TRIM36: variants seen among roughly 807,000 people sequenced by gnomAD.
TRIM36 encodes the protein tripartite motif containing 36.
A neutral mutation model predicts 72.4 loss-of-function variants in TRIM36; 42 were observed. The ratio of observed to expected loss-of-function variants is 0.58; its 90% confidence interval spans 0.45 to 0.75. The LOEUF (loss-of-function observed/expected upper bound fraction) is 0.75. TRIM36 is among the 30% of genes least tolerant of loss of function. TRIM36 has a pLI of 0.00. For missense variants in TRIM36, 913 were observed against 857.1 expected, an observed-to-expected ratio of 1.07 and a Z score of -0.81; for synonymous variants, 315 against 282.8, an observed-to-expected ratio of 1.11 and a Z score of -1.14.
upstream of TRIM36, among the ~76,000 whole-genome samples, chr5:115,170,367 G>A (rs1348184467): frequency 6.6e-6 from 1 of 152,208 alleles, no homozygotes; most frequent in African/African-American, 2.4e-5. Context: ...CTTCACTCGC[G>A]GTTCGAAGCC....
intron 4 of TRIM36, among the ~76,000 whole-genome samples, chr5:115,141,861 ATAAT>A (rs1753294604): frequency 6.6e-6 from 1 of 152,190 alleles, no homozygotes; most frequent in Non-Finnish European, 1.5e-5. Flanking sequence ...AGCCTATTAA[ATAAT>A]TACACAATAA....
At chr5:115,150,823 A>G (rs1335363553) in intron 2 of TRIM36, among the ~76,000 whole-genome samples, 1 of 152,174 alleles carries the variant, frequency 6.6e-6, no homozygotes, top group Non-Finnish European at 1.5e-5. Flanking sequence ...CCTGGAGCTG[A>G]GTCAATTTAG....
intron 1 of TRIM36, among the ~76,000 whole-genome samples, chr5:115,165,779 T>C (rs951997229): frequency 1.3e-5 from 2 of 152,076 alleles, no homozygotes; most frequent in African/African-American, 4.8e-5. Flanking sequence ...AGGGCATTCC[T>C]ATGCTCTCGG....
chr5:115,174,963 T>C (rs1755268932), intron 1 of TRIM36, among the ~76,000 whole-genome samples: 1 of 152,142 alleles, frequency 6.6e-6, no homozygotes, highest in Admixed American at 6.5e-5. Flanking sequence ...CTGGCCAACT[T>C]GAGGTAAACA....
intron 2 of TRIM36, among the ~76,000 whole-genome samples, chr5:115,163,024 C>G (rs1561444238): frequency 1.3e-5 from 2 of 150,428 alleles, no homozygotes; most frequent in Non-Finnish European, 2.9e-5. Flanking sequence ...ATGGCGCGAT[C>G]TCGGCTCACT....
chr5:115,144,172 T>A (rs1753448070), intron 4 of TRIM36, among the ~76,000 whole-genome samples: 1 of 152,074 alleles, frequency 6.6e-6, no homozygotes, highest in South Asian at 2.1e-4. Context: ...CGGAAGTAAT[T>A]CAGTTTTAAA....
rs1755392998 is a variant in TRIM36 at position 115,177,604 on chromosome 5, A to G, written c.63+2371T>C. 14 of 1,477,190 alleles carry G rather than the reference A, an allele frequency of 9.5e-6. No homozygotes were observed. In the East Asian group the frequency reaches 3.3e-4, roughly 35 times the overall value. The allele number at this position is 1,477,190 out of a possible 1,614,324, so 91.5% of individuals were successfully genotyped here. Reference sequence around the variant, plus strand: ...AATCACACACAAAACAGGGGTCTTAAATGGGCTAGTGCTGGGGCTGCGGGG... The same window carrying G: ...AATCACACACAAAACAGGGGTCTTAGATGGGCTAGTGCTGGGGCTGCGGGG... On this transcript the variant is annotated intron_variant, in intron 1 of 9. Transcript: ENST00000282369.
chr5:115,173,496 G>A (rs1345221252), upstream of TRIM36, among the ~76,000 whole-genome samples: 1 of 150,916 alleles, frequency 6.6e-6, no homozygotes, highest in Non-Finnish European at 1.5e-5. Context: ...TAAGGGGGTG[G>A]GGGGTGTGTG....
chr5:115,150,711 C>A (rs183736289), intron 2 of TRIM36, among the ~76,000 whole-genome samples: 1 of 152,164 alleles, frequency 6.6e-6, no homozygotes, highest in African/African-American at 2.4e-5. Flanking sequence ...CTAAATACTG[C>A]GAGGGCCCAA....
upstream of TRIM36, among the ~76,000 whole-genome samples, chr5:115,172,124 T>C (rs898235026): frequency 2.0e-5 from 3 of 152,222 alleles, no homozygotes; most frequent in African/African-American, 4.8e-5. Context: ...AATGGTATCA[T>C]TGCCTATTTC....
chr5:115,138,104 G>T (rs1057175586), intron 5 of TRIM36, among the ~76,000 whole-genome samples: 22 of 152,128 alleles, frequency 1.4e-4, no homozygotes, highest in African/African-American at 5.3e-4. Flanking sequence ...TTAAAAAGTT[G>T]TTTTTGTTTT....
Position 115,141,348 on chromosome 5 carries a change from G to T in TRIM36, c.762C>A (p.Tyr254Ter). Residue 254 changes from tyrosine (Y) to a stop codon, truncating the protein, a stop_gained, in exon 5 of 10, where the codon TAC (tyrosine) becomes TAA (stop). Transcript: ENST00000513154. LOFTEE classifies it high-confidence loss of function. ...LKEKLSKDID[Y>*]LIGKESQVKS... ...TCACCTGGCTTTCCTTACCAATAAG[G>T]TAATCAATATCCTTTGAAAGCTTTT... The T allele has an allele frequency of 6.2e-7, 1 of 1,600,756 alleles. No homozygotes were observed. The highest frequency in any genetic ancestry group is 8.5e-7 in the Non-Finnish European group (1 of 1,176,162).
intron 5 of TRIM36, among the ~76,000 whole-genome samples, chr5:115,138,235 G>A (rs1370846728): frequency 1.3e-5 from 2 of 152,132 alleles, no homozygotes; most frequent in Non-Finnish European, 2.9e-5. Context: ...AAGTAGCTGG[G>A]ACTACAGGCA....
At chr5:115,129,365 C>G (rs1580634870) in intron 9 of TRIM36, among the ~76,000 whole-genome samples, 1 of 152,120 alleles carries the variant, frequency 6.6e-6, no homozygotes, top group African/African-American at 2.4e-5. Context: ...GAATTCGAGA[C>G]CAGCCTGACC....
intron 8 of TRIM36, among the ~76,000 whole-genome samples, chr5:115,132,684 T>C (rs973792797): frequency 1.3e-5 from 2 of 152,008 alleles, no homozygotes; most frequent in Non-Finnish European, 2.9e-5. Context: ...AGTCTCCCAG[T>C]TTGCAAAATA....
chr5:115,126,762 A>C lies in TRIM36; in HGVS notation c.1892T>G (p.Phe631Cys), dbSNP rs375330229. 5.0e-6 allele frequency: 8 copies of C among 1,614,128 alleles called. No individual in the cohort carries two copies. The highest frequency in any genetic ancestry group is 6.8e-6 in the Non-Finnish European group (8 of 1,180,024). ...FTLVTIGMQK[F>C]FIPKSPTSSN... The stretch of plus-strand genomic sequence containing the variant: ...AGAAGTAGGTGACTTGGGTATAAAA[A>C]ATTTCTGCATGCCTATAGTAACTAA... Residue 631 changes from phenylalanine to cysteine, a missense_variant, in exon 10 of 10, where the codon TTT (phenylalanine) becomes TGT (cysteine). By Grantham distance (205) the Phe-to-Cys change is radical. Coordinates refer to ENST00000513154, the MANE Select transcript of TRIM36 (RefSeq NM_001300759.2).
chr5:115,178,335 C>T (rs963576132), intron 1 of TRIM36, among the ~76,000 whole-genome samples: 5 of 152,186 alleles, frequency 3.3e-5, no homozygotes, highest in Non-Finnish European at 7.4e-5. Context: ...TTCCTCCCTG[C>T]CCCCTAGCCC....
At chr5:115,134,775 C>T (rs1372466480) in intron 7 of TRIM36, among the ~76,000 whole-genome samples, 2 of 152,286 alleles carry the variant, frequency 1.3e-5, no homozygotes, top group East Asian at 3.9e-4. Flanking sequence ...CTCCTGACCT[C>T]ATGATCTGCC....
At chr5:115,128,645 G>C (rs1270556118) in intron 9 of TRIM36, among the ~76,000 whole-genome samples, 1 of 147,910 alleles carries the variant, frequency 6.8e-6, no homozygotes. Context: ...CCAGCTACTC[G>C]GGAGGCTGAG....
Sources: allele counts gnomAD v4.1 joint callset (sites outside exome capture counted in the v4.1 genomes callset), GRCh38; gene constraint gnomAD v4.1.1; transcripts MANE v1.5; gene names NCBI Gene and HGNC (gene_info 2026-07-23, HGNC 2026-07-21).